HEPHL1: variants seen among roughly 807,000 people sequenced by gnomAD.
HEPHL1 encodes hephaestin like 1, also known as ferroxidase HEPHL1.
Under a neutral mutation model 122.0 loss-of-function variants are expected in HEPHL1, and 123 were observed. The observed-to-expected ratio is 1.01, with a 90% CI of 0.87 to 1.17. The LOEUF (loss-of-function observed/expected upper bound fraction) is 1.17. HEPHL1 is among the 50% of genes most tolerant of loss of function. HEPHL1 has a pLI of 0.00. For synonymous variants in HEPHL1, 527 were observed against 508.9 expected (o/e 1.04, Z -0.48); for missense variants, 1,452 against 1,430.5 (o/e 1.01, Z -0.24).
intron 16 of HEPHL1, among the ~76,000 whole-genome samples, chr11:94,105,542 CTT>C (rs1385459539): frequency 1.3e-5 from 2 of 151,206 alleles, no homozygotes; most frequent in Non-Finnish European, 2.9e-5. Context: ...GTGAAGCTCT[CTT>C]TTATTTTTGG....
In HEPHL1 at chr11:94,067,588, A is replaced by G; in HGVS notation, c.901A>G (p.Ile301Val). Residue 301 changes from isoleucine to valine, a missense_variant, in exon 5 of 20, where the codon ATA becomes GTA. Coordinates refer to ENST00000315765, the MANE Select transcript of HEPHL1 (RefSeq NM_001098672.2). Reference protein sequence around the residue: ...SWHLFGMGNEIDIHSIYFYGN... With the variant: ...SWHLFGMGNEVDIHSIYFYGN... ...GCACCTATTTGGAATGGGGAATGAA[A>G]TAGACATCCATTCTATCTATTTCTA... 1 of 1,613,692 alleles carries G rather than the reference A, an allele frequency of 6.2e-7. No homozygotes were observed. Among genetic ancestry groups the G allele is most frequent in the Admixed American group, 1.7e-5 (1 of 60,008 alleles).
At chr11:94,039,115 A>G (rs1357671437) in intron 1 of HEPHL1, among the ~76,000 whole-genome samples, 23 of 91,802 alleles carry the variant, frequency 2.5e-4, no homozygotes, top group Admixed American at 5.0e-4. Context: ...AGATCAAAAG[A>G]GACAAAGAAG....
Position 94,082,475 on chromosome 11 carries a change from A to C in HEPHL1, c.1774A>C (p.Arg592=). Residue 592 remains arginine (R), a synonymous_variant, in exon 10 of 20, where the codon AGA becomes CGA. Coordinates refer to ENST00000315765, the MANE Select transcript of HEPHL1 (RefSeq NM_001098672.2). Reference sequence around the variant, plus strand: ...CACAGTCTTTGATGAGAATCTGAGCAGATATTTTGATGAAAACATTCAGAA... The same window carrying C: ...CACAGTCTTTGATGAGAATCTGAGCCGATATTTTGATGAAAACATTCAGAA... ...LFTVFDENLS[R]YFDENIQKFI... The C allele has an allele frequency of 1.2e-6, 2 of 1,612,550 alleles. No individual in the cohort carries two copies. The highest frequency in any genetic ancestry group is 8.5e-7 in the Non-Finnish European group (1 of 1,178,648).
chr11:94,035,333 C>A (rs1430719978), intron 1 of HEPHL1, among the ~76,000 whole-genome samples: 1 of 152,164 alleles, frequency 6.6e-6, no homozygotes, highest in African/African-American at 2.4e-5. Flanking sequence ...AGAGATTGTA[C>A]CTTTTTTATT....
chr11:94,083,707 C>T (rs996508801), intron 10 of HEPHL1, among the ~76,000 whole-genome samples: 5 of 152,210 alleles, frequency 3.3e-5, no homozygotes, highest in African/African-American at 1.2e-4. Flanking sequence ...ACCCTATGGT[C>T]CCAGATGCTC....
At chr11:94,068,460 A>C (rs1489645257) in intron 5 of HEPHL1, among the ~76,000 whole-genome samples, 1 of 152,164 alleles carries the variant, frequency 6.6e-6, no homozygotes, top group Non-Finnish European at 1.5e-5. Context: ...CATGATAAAC[A>C]TTTGTTGGCT....
At chr11:94,046,119 TAG>T (rs1945836018) in intron 2 of HEPHL1, among the ~76,000 whole-genome samples, 3 of 136,440 alleles carry the variant, frequency 2.2e-5, no homozygotes, top group Non-Finnish European at 4.7e-5. Context: ...TTTTGAGAGG[TAG>T]TCTCACTCTG....
intron 12 of HEPHL1, 22 bp from the exon 13 acceptor site, chr11:94,093,479 T>A: frequency 6.2e-7 from 1 of 1,612,582 alleles, no homozygotes. Flanking sequence ...CAACTTTAAT[T>A]TCTGATGCTT....
intron 13 of HEPHL1, among the ~76,000 whole-genome samples, chr11:94,097,997 A>G (rs1460745477): frequency 6.6e-6 from 1 of 152,240 alleles, no homozygotes; most frequent in South Asian, 2.1e-4. Context: ...TTTTAATTGG[A>G]ACATTTCACC....
At chr11:94,097,012 C>T (rs961722882) in intron 13 of HEPHL1, among the ~76,000 whole-genome samples, 1 of 151,844 alleles carries the variant, frequency 6.6e-6, no homozygotes, top group Non-Finnish European at 1.5e-5. Flanking sequence ...TTGTGTCTCT[C>T]TCTCCTTCAG....
intron 2 of HEPHL1, among the ~76,000 whole-genome samples, chr11:94,060,364 A>C (rs753272983): frequency 3.9e-5 from 6 of 151,936 alleles, no homozygotes; most frequent in Non-Finnish European, 8.8e-5. Flanking sequence ...GTGTGTGTAT[A>C]TATACACTTA....
At position 94,082,462 on chromosome 11, in the gene HEPHL1, T is replaced by A; in HGVS notation, c.1761T>A (p.Asp587Glu). ...TTTACCTACTGTTCACAGTCTTTGATGAGAATCTGAGCAGATATTTTGATG... is the reference window on the plus strand; with the variant it reads ...TTTACCTACTGTTCACAGTCTTTGAAGAGAATCTGAGCAGATATTTTGATG... The part of the protein sequence containing the change: ...KEFYLLFTVF[D>E]ENLSRYFDEN... Residue 587 changes from aspartate (D) to glutamate (E), a missense_variant, in exon 10 of 20, where the codon GAT becomes GAA. Physicochemically the swap from Asp to Glu is conservative, Grantham distance 45. Transcript: ENST00000315765. 1 of 1,612,480 alleles carries A rather than the reference T, an allele frequency of 6.2e-7. No individual in the cohort carries two copies.
rs1465836248 is a variant in HEPHL1, at chr11:94,088,949, G to T, written c.2275G>T (p.Val759Leu). The T allele has an allele frequency of 6.2e-7, 1 of 1,613,988 alleles. No individual in the cohort carries two copies. Among genetic ancestry groups the T allele is most frequent in the South Asian group, 1.1e-5 (1 of 91,090 alleles). Residue 759 changes from valine to leucine, a missense_variant, in exon 12 of 20, where the codon GTG becomes TTG. By Grantham distance (32) the Val-to-Leu change is conservative. Coordinates refer to ENST00000315765, the MANE Select transcript of HEPHL1 (RefSeq NM_001098672.2). ...NKNWEFEKQH[V>L]DARGERHGDI... The stretch of plus-strand genomic sequence containing the variant: ...AAACTGGGAGTTCGAAAAGCAGCAC[G>T]TGGACGCAAGAGGGGAAAGGTACCA...
At chr11:94,025,329 G>A (rs767769613) in intron 1 of HEPHL1, among the ~76,000 whole-genome samples, 1 of 152,116 alleles carries the variant, frequency 6.6e-6, no homozygotes, top group East Asian at 1.9e-4. Flanking sequence ...GTTGCCTGGG[G>A]ATGGTGTCAG....
chr11:94,023,322 G>A (rs1224561762), intron 1 of HEPHL1, among the ~76,000 whole-genome samples: 1 of 152,126 alleles, frequency 6.6e-6, no homozygotes. Flanking sequence ...TTTGCCAAAG[G>A]CATGTTTAGT....
Position 94,063,649 on chromosome 11 carries a change from AC to A in HEPHL1, c.559del (p.His187IlefsTer14). On this transcript the variant is annotated frameshift_variant, in exon 3 of 20. Transcript: ENST00000315765. LOFTEE classifies it high-confidence loss of function. ...GATGCCAACTGCCTGACCTGGGTGT[AC>A]CATTCGCACATCGACGCCCCAAAGG... ...PADANCLTWV[Y>X]HSHIDAPKDI... is the part of the protein sequence containing the mutation. The A allele has an allele frequency of 1.2e-6, 2 of 1,613,932 alleles. No homozygotes were observed. Among genetic ancestry groups the A allele is most frequent in the Non-Finnish European group, 1.7e-6 (2 of 1,179,848 alleles).
rs746816896 is a variant in HEPHL1 at position 94,111,069 on chromosome 11, C to A, written c.3208+4C>A. On this transcript the variant is annotated splice_donor_region_variant and intron_variant, in intron 18 of 19. Transcript: ENST00000315765. ...TACACGGTCCTTCGTAACATAGGTA[C>A]GGTTGTCTGTCAGTGATGCCAGATG... The A allele has an allele frequency of 2.6e-6, 4 of 1,567,000 alleles. No homozygotes were observed. The highest frequency in any genetic ancestry group is 2.3e-5 in the South Asian group (2 of 85,336).
chr11:94,035,202 G>A (rs1420050413), intron 1 of HEPHL1, among the ~76,000 whole-genome samples: 2 of 152,122 alleles, frequency 1.3e-5, no homozygotes, highest in African/African-American at 4.8e-5. Context: ...AAGGTATTGA[G>A]GTGTCTCTCC....
intron 16 of HEPHL1, 122 bp downstream of exon 16, chr11:94,104,872 A>C: frequency 1.3e-6 from 1 of 753,494 alleles, no homozygotes; most frequent in Non-Finnish European, 2.2e-6. Context: ...ACCTGGACTG[A>C]AGAAAGTCCT....
Sources: gnomAD v4.1 joint callset for allele counts (sites outside exome capture counted in the v4.1 genomes callset) on GRCh38, gnomAD v4.1.1 for gene constraint, MANE v1.5 for transcripts, NCBI Gene and HGNC (gene_info 2026-07-23, HGNC 2026-07-21) for gene names.